NT5M: variants seen among roughly 807,000 people sequenced by gnomAD.
The protein encoded by NT5M is 5'(3')-deoxyribonucleotidase, mitochondrial.
In NT5M, 22 loss-of-function variants were observed where a neutral mutation model predicts 22.2. The ratio of observed to expected loss-of-function variants is 0.99; its 90% CI spans 0.71 to 1.41. NT5M has a LOEUF of 1.41. Ranked by LOEUF, NT5M falls within the 40% of genes most tolerant of loss-of-function variation. The pLI is 0.00. For missense variants in NT5M, 322 were observed against 314.8 expected (o/e 1.02, Z -0.17); for synonymous variants, 167 against 133.0 (o/e 1.26, Z -1.76).
intron 1 of NT5M, chr17:17,304,034 G>T (rs968524547): frequency 8.3e-7 from 1 of 1,202,642 alleles, no homozygotes; most frequent in Non-Finnish European, 1.0e-6. Context: ...CTGAAAATGC[G>T]GGAGAGTACA....
Position 17,303,607 on chromosome 17 carries a change from G to C in NT5M, c.57G>C (p.Ala19=), listed in dbSNP as rs1190416316. The change falls in exon 1 of 5, where the codon GCG becomes GCC. Residue 19 remains alanine (A), a synonymous_variant. Coordinates refer to ENST00000389022, the MANE Select transcript of NT5M (RefSeq NM_020201.4). ...ARRLCSAAVP[A]GRRGAAGGLG... ...GGCTCTGCAGCGCGGCGGTTCCCGCGGGGCGGCGCGGGGCGGCGGGCGGGC... is the reference window on the plus strand; with the variant it reads ...GGCTCTGCAGCGCGGCGGTTCCCGCCGGGCGGCGCGGGGCGGCGGGCGGGC... The C allele has an allele frequency of 6.4e-6, 8 of 1,241,836 alleles. No homozygotes were observed. In the African/African-American group the frequency reaches 1.3e-4, roughly 20 times the overall value. The allele number at this position is 1,241,836 out of a possible 1,614,324, so 76.9% of individuals were successfully genotyped here. A position where few individuals can be genotyped will look rare whatever the true frequency, so the allele number is the denominator to read the frequency against.
rs1271039427 is a variant in NT5M, at chr17:17,303,675, T to C, written c.125T>C (p.Met42Thr). The change falls in exon 1 of 5, where the codon ATG becomes ACG. Residue 42 changes from methionine (M) to threonine (T), a missense_variant. Transcript: ENST00000389022. ...GGRALRVLVD[M>T]DGVLADFEGG... Reference sequence around the variant, plus strand: ...CGCGCCCTACGGGTGCTGGTGGACATGGACGGCGTGCTGGCTGACTTCGAG... The same window carrying C: ...CGCGCCCTACGGGTGCTGGTGGACACGGACGGCGTGCTGGCTGACTTCGAG... 3.0e-5 allele frequency: 47 copies of C among 1,578,728 alleles called. No homozygotes were observed. The highest frequency in any genetic ancestry group is 3.9e-5 in the Non-Finnish European group (45 of 1,165,000).
At chr17:17,317,208 C>T (rs1458241246) in intron 2 of NT5M, among the ~76,000 whole-genome samples, 2 of 151,794 alleles carry the variant, frequency 1.3e-5, no homozygotes, top group East Asian at 3.9e-4. Context: ...TGCCACCATG[C>T]CCCGCTAATT....
chr17:17,303,532 C>CGGGCCAGCGCGCT lies in NT5M; in HGVS notation c.-12_1dup. On this transcript the variant is annotated 5_prime_UTR_variant, in exon 1 of 5. Transcript: ENST00000389022. The stretch of plus-strand genomic sequence containing the variant: ...GCGGCCCAGGTCCCCGCGCCCACGA[C>CGGGCCAGCGCGCT]GGGCCAGCGCGCTGGGCCATGATCC... 9.6e-7 allele frequency: 1 copy of CGGGCCAGCGCGCT among 1,043,230 alleles called. No individual in the cohort carries two copies. The highest frequency in any genetic ancestry group is 1.2e-6 in the Non-Finnish European group (1 of 868,770). The allele number at this position is 1,043,230 out of a possible 1,614,324, so 64.6% of individuals were successfully genotyped here.
chr17:17,319,751 C>G (rs1185006956), intron 2 of NT5M, among the ~76,000 whole-genome samples: 2 of 151,362 alleles, frequency 1.3e-5, no homozygotes, highest in Admixed American at 6.6e-5. Context: ...GGAGAGATAA[C>G]AAAGGAGAAC....
Position 17,304,595 on chromosome 17 carries a change from G to C in NT5M, c.267+778G>C, listed in dbSNP as rs568882379. On this transcript the variant is annotated intron_variant, in intron 1 of 4. Coordinates refer to ENST00000389022, the MANE Select transcript of NT5M (RefSeq NM_020201.4). ...GGCCACCTAGGGTTGCTGCTGGAGG[G>C]TTTGATAAAGAGGAGAAGGAAGTTA... 40 of 205,136 alleles carry C rather than the reference G, an allele frequency of 1.9e-4. No homozygotes were observed. In the East Asian group the frequency reaches 7.0e-3, roughly 36 times the overall value. 12.7% of individuals were successfully genotyped at this position (205,136 alleles called of 1,614,324 possible).
At chr17:17,303,912 C>T in intron 1 of NT5M, 95 bp downstream of exon 1, 1 of 1,312,940 alleles carries the variant, frequency 7.6e-7, no homozygotes. Context: ...GTCAGCGCCC[C>T]AGCCTCGGGG....
intron 3 of NT5M, among the ~76,000 whole-genome samples, chr17:17,339,614 G>A (rs1355492165): frequency 6.6e-6 from 1 of 152,114 alleles, no homozygotes; most frequent in East Asian, 1.9e-4. Context: ...ATATAGGTCT[G>A]TCATATATGG....
chr17:17,323,157 G>T, intron 2 of NT5M, 28 bp from the exon 3 acceptor site: 1 of 1,609,864 alleles, frequency 6.2e-7, no homozygotes, highest in South Asian at 1.1e-5. Context: ...TGGGGCTGCA[G>T]GCTCAACCTC....
At chr17:17,328,802 T>C (rs1282175338) in intron 3 of NT5M, among the ~76,000 whole-genome samples, 1 of 152,076 alleles carries the variant, frequency 6.6e-6, no homozygotes, top group East Asian at 1.9e-4. Context: ...GGAATTGGGT[T>C]ACATTCAGGT....
intron 3 of NT5M, among the ~76,000 whole-genome samples, chr17:17,333,011 A>G (rs1448784825): frequency 6.6e-6 from 1 of 152,192 alleles, no homozygotes; most frequent in East Asian, 1.9e-4. Context: ...TATCCTTGTC[A>G]GCATTTGGTA....
At chr17:17,306,740 C>T (rs2048810645) in intron 2 of NT5M, 97 bp downstream of exon 2, 2 of 880,874 alleles carry the variant, frequency 2.3e-6, no homozygotes, top group Non-Finnish European at 3.8e-6. Context: ...CTTCTCCTTT[C>T]TCTCTCCTTG....
intron 2 of NT5M, among the ~76,000 whole-genome samples, chr17:17,320,846 C>G (rs1567888253): frequency 6.6e-6 from 1 of 151,954 alleles, no homozygotes; most frequent in Non-Finnish European, 1.5e-5. Context: ...CCCAGGAGAG[C>G]TGGCGTGGCC....
At chr17:17,338,761 C>G (rs1320642515) in intron 3 of NT5M, among the ~76,000 whole-genome samples, 1 of 109,498 alleles carries the variant, frequency 9.1e-6, no homozygotes, top group Non-Finnish European at 1.7e-5. Flanking sequence ...GAGTCTTACT[C>G]TGTCACCCAA....
At chr17:17,312,154 C>T (rs147020871) in intron 2 of NT5M, among the ~76,000 whole-genome samples, 18 of 152,356 alleles carry the variant, frequency 1.2e-4, no homozygotes, top group Non-Finnish European at 2.1e-4. Flanking sequence ...AGGTGCTCAG[C>T]AAATGCTAGC....
At chr17:17,337,977 C>T (rs967933276) in intron 3 of NT5M, among the ~76,000 whole-genome samples, 12 of 152,142 alleles carry the variant, frequency 7.9e-5, no homozygotes, top group African/African-American at 2.2e-4. Flanking sequence ...AAATCTTTGT[C>T]CAGACCAATG....
chr17:17,309,256 G>T (rs565849636), intron 2 of NT5M, among the ~76,000 whole-genome samples: 1 of 151,688 alleles, frequency 6.6e-6, no homozygotes, highest in East Asian at 1.9e-4. Context: ...CTCTAGAGTC[G>T]CTGTGACCAC....
At position 17,315,752 on chromosome 17, in the gene NT5M, G is replaced by GT. The variant is rs1418422176; in HGVS notation, c.369-7411dup. Among the ~76,000 whole-genome samples the GT allele has an allele frequency of 8.5e-4, 80 of 93,966 alleles. 3 individuals are homozygous for GT. Among genetic ancestry groups the GT allele is most frequent in the Admixed American group, 1.5e-3 (11 of 7,454 alleles). The allele number at this position is 93,966 out of a possible 152,430, so 61.6% of individuals were successfully genotyped here. A position where few individuals can be genotyped will look rare whatever the true frequency, so the allele number is the denominator to read the frequency against. On this transcript the variant is annotated intron_variant, in intron 2 of 4. Coordinates refer to ENST00000389022, the MANE Select transcript of NT5M (RefSeq NM_020201.4). Reference sequence around the variant, plus strand: ...ATGTGATCTAACTTAGGGTTTTTTTGTTTTTTTTTTTTTTTTTTTTTTGAG... The same window carrying GT: ...ATGTGATCTAACTTAGGGTTTTTTTGTTTTTTTTTTTTTTTTTTTTTTTGAG...
chr17:17,344,542 G>A (rs1341391392), intron 3 of NT5M, among the ~76,000 whole-genome samples: 3 of 152,150 alleles, frequency 2.0e-5, no homozygotes, highest in Non-Finnish European at 4.4e-5. Context: ...GGACAGGGCT[G>A]GGTTTGTCGT....
Sources: gnomAD v4.1 joint callset for allele counts (sites outside exome capture counted in the v4.1 genomes callset) on GRCh38, gnomAD v4.1.1 for gene constraint, MANE v1.5 for transcripts, NCBI Gene and HGNC (gene_info 2026-07-23, HGNC 2026-07-21) for gene names.